The following ITGB1 variants were observed in gnomAD, a reference collection of about 807,000 sequenced individuals.
ITGB1 encodes integrin subunit beta 1, also known as integrin beta-1.
A neutral mutation model predicts 86.5 loss-of-function variants in ITGB1; 24 were observed. That is an observed-to-expected ratio of 0.28 (90% CI 0.20 to 0.39). ITGB1 has a LOEUF of 0.39. ITGB1 is among the 10% of genes least tolerant of loss of function. ITGB1 has a pLI of 1.00. For missense variants in ITGB1, 556 were observed against 946.9 expected, an observed-to-expected ratio of 0.59 and a Z score of 5.42; for synonymous variants, 323 against 316.8, an observed-to-expected ratio of 1.02 and a Z score of -0.21.
intron 1 of ITGB1, among the ~76,000 whole-genome samples, chr10:32,940,180 C>CA (rs1269442565): frequency 2.0e-5 from 3 of 151,744 alleles, no homozygotes; most frequent in Admixed American, 6.6e-5. Flanking sequence ...CCCGTCTCTA[C>CA]AAAAAAATAC....
chr10:32,947,962 C>T (rs928904278), intron 1 of ITGB1, among the ~76,000 whole-genome samples: 5 of 151,388 alleles, frequency 3.3e-5, no homozygotes, highest in Admixed American at 2.6e-4. Flanking sequence ...TTACAGGAAG[C>T]GCTCAATAAC....
At chr10:32,937,109 A>G (rs1170643008) in intron 1 of ITGB1, among the ~76,000 whole-genome samples, 1 of 152,222 alleles carries the variant, frequency 6.6e-6, no homozygotes, top group Non-Finnish European at 1.5e-5. Context: ...TAAATATATA[A>G]AAGGTGACAC....
chr10:32,955,132 C>T (rs1424779910), intron 1 of ITGB1, among the ~76,000 whole-genome samples: 1 of 152,190 alleles, frequency 6.6e-6, no homozygotes, highest in African/African-American at 2.4e-5. Flanking sequence ...CATAACACTT[C>T]AGGATTCAGA....
intron 3 of ITGB1, among the ~76,000 whole-genome samples, chr10:32,931,693 C>T (rs1430555131): frequency 6.6e-6 from 1 of 152,114 alleles, no homozygotes; most frequent in East Asian, 1.9e-4. Context: ...ACATATCTGA[C>T]ACTTGACCAC....
chr10:32,944,255 A>T (rs982622355), intron 1 of ITGB1, among the ~76,000 whole-genome samples: 9 of 152,242 alleles, frequency 5.9e-5, no homozygotes, highest in Non-Finnish European at 1.3e-4. Context: ...CTGCTAGACC[A>T]GAGTTCAGGG....
intron 5 of ITGB1, among the ~76,000 whole-genome samples, chr10:32,926,983 A>C (rs1488623419): frequency 2.0e-5 from 3 of 152,168 alleles, no homozygotes; most frequent in Non-Finnish European, 4.4e-5. Flanking sequence ...ATGGACTAAG[A>C]CCTAAGACAA....
intron 1 of ITGB1, among the ~76,000 whole-genome samples, chr10:32,939,156 C>A (rs1011581153): frequency 6.6e-6 from 1 of 152,212 alleles, no homozygotes; most frequent in Non-Finnish European, 1.5e-5. Flanking sequence ...GGGGCCTGGA[C>A]TCCAGGTGAT....
intron 1 of ITGB1, among the ~76,000 whole-genome samples, chr10:32,947,853 T>C (rs2095034892): frequency 6.6e-6 from 1 of 152,174 alleles, no homozygotes; most frequent in African/African-American, 2.4e-5. Context: ...TGTAGGGGTT[T>C]TGTGAAGTTT....
At chr10:32,906,583 G>A (rs578139736) in intron 15 of ITGB1, 2 of 172,054 alleles carry the variant, frequency 1.2e-5, no homozygotes, top group Non-Finnish European at 2.5e-5. Context: ...GAGAGAGACT[G>A]TCTCAAAATA....
At chr10:32,937,518 T>C (rs1320506309) in intron 1 of ITGB1, among the ~76,000 whole-genome samples, 2 of 137,472 alleles carry the variant, frequency 1.5e-5, no homozygotes, top group Non-Finnish European at 3.0e-5. Flanking sequence ...ATCGCGCCAC[T>C]GTACTCTAGC....
At chr10:32,915,091 G>A (rs2094927437) in intron 11 of ITGB1, among the ~76,000 whole-genome samples, 1 of 152,188 alleles carries the variant, frequency 6.6e-6, no homozygotes, top group Admixed American at 6.5e-5. Flanking sequence ...AATGAAGGCA[G>A]AAATAAAGAT....
rs1204801990 is a variant in ITGB1, at chr10:32,958,169, C to T, written c.-25G>A. On this transcript the variant is annotated 5_prime_UTR_variant, in exon 1 of 16. Coordinates refer to ENST00000302278, the MANE Select transcript of ITGB1 (RefSeq NM_002211.4). The stretch of plus-strand genomic sequence containing the variant: ...CCTTTTCCGCGCGGCGTCCGGGGCC[C>T]GGCGCGGTGGGCTCGGGCCTGCTGT... 6.6e-6 allele frequency: 1 copy of T among 151,294 alleles called. No individual in the cohort carries two copies. Among genetic ancestry groups the T allele is most frequent in the Non-Finnish European group, 1.5e-5 (1 of 67,752 alleles). The allele number at this position is 151,294 out of a possible 1,614,324, so 9.4% of individuals were successfully genotyped here.
rs374880559 is a variant in ITGB1, at chr10:32,922,759, T to A, written c.943-24A>T. The A allele has an allele frequency of 8.1e-6, 11 of 1,352,526 alleles. No homozygotes were observed. The African/African-American group carries it at 1.5e-4, about 18-fold the overall frequency. The allele number at this position is 1,352,526 out of a possible 1,614,324, so 83.8% of individuals were successfully genotyped here. A position where few individuals can be genotyped will look rare whatever the true frequency, so the allele number is the denominator to read the frequency against. ...TCCTAAGAAATCAAGTAATATAATT[T>A]AGTATTTAAATACACCCTTATAATC... On this transcript the variant is annotated intron_variant, in intron 7 of 15. Transcript: ENST00000302278.
At chr10:32,922,781 A>T (rs545911251) in intron 7 of ITGB1, 46 bp from the exon 8 acceptor site, 2 of 1,055,956 alleles carry the variant, frequency 1.9e-6, no homozygotes, top group African/African-American at 3.2e-5. Flanking sequence ...ACACCCTTAT[A>T]ATCTCTTCTA....
In ITGB1 at chr10:32,929,808, T is replaced by C. The variant is rs759367340; in HGVS notation, c.376+14A>G. ...AGTAAACACGCAGGTATTCACAGAG[T>C]TGGGCTTCCATACCTGATCTTAATC... On this transcript the variant is annotated intron_variant, in intron 4 of 15. Transcript: ENST00000302278. 8.9e-6 allele frequency: 13 copies of C among 1,453,482 alleles called. No individual in the cohort carries two copies. The highest frequency in any genetic ancestry group is 1.7e-4 in the Middle Eastern group (1 of 5,772). The allele number at this position is 1,453,482 out of a possible 1,614,324, so 90.0% of individuals were successfully genotyped here. A position where few individuals can be genotyped will look rare whatever the true frequency, so the allele number is the denominator to read the frequency against.
intron 5 of ITGB1, among the ~76,000 whole-genome samples, chr10:32,926,333 CATGAATGGGAT>C (rs2094964445): frequency 1.3e-5 from 2 of 152,174 alleles, no homozygotes; most frequent in Non-Finnish European, 2.9e-5. Context: ...GCAGAGCCCT[CATGAATGGGAT>C]TAGTAACTGA....
chr10:32,920,184 T>C lies in ITGB1; in HGVS notation c.1269+61A>G, dbSNP rs765754224. On this transcript the variant is annotated intron_variant, in intron 10 of 15. Coordinates refer to ENST00000302278, the MANE Select transcript of ITGB1 (RefSeq NM_002211.4). ...ACTTATTTTAATGTTTCTCAAACTA[T>C]AAACTAAATTTGCTTATAAATAACC... 6 of 1,578,008 alleles carry C rather than the reference T, an allele frequency of 3.8e-6. No individual in the cohort carries two copies. In the East Asian group the frequency reaches 9.0e-5, roughly 24 times the overall value.
intron 1 of ITGB1, among the ~76,000 whole-genome samples, chr10:32,948,571 G>A (rs2095036650): frequency 1.3e-5 from 2 of 152,040 alleles, no homozygotes; most frequent in Non-Finnish European, 2.9e-5. Flanking sequence ...ATGAGAGGTG[G>A]GACTTTTAAG....
At chr10:32,945,682 T>C (rs938140540) in intron 1 of ITGB1, among the ~76,000 whole-genome samples, 3 of 152,264 alleles carry the variant, frequency 2.0e-5, no homozygotes, top group Middle Eastern at 3.4e-3. Context: ...GGGGAAAGTA[T>C]CTCATCAGAA....
Sources: allele counts gnomAD v4.1 joint callset (sites outside exome capture counted in the v4.1 genomes callset), GRCh38; gene constraint gnomAD v4.1.1; transcripts MANE v1.5; gene names NCBI Gene and HGNC (gene_info 2026-07-23, HGNC 2026-07-21).